The following AVEN variants were observed in gnomAD, a reference collection of about 807,000 sequenced individuals.
AVEN encodes the protein cell death regulator Aven.
Under a neutral mutation model 38.1 loss-of-function variants are expected in AVEN, and 41 were observed. The ratio of observed to expected loss-of-function variants is 1.08; its 90% CI spans 0.84 to 1.40. AVEN has a LOEUF of 1.40. Ranked by LOEUF, AVEN falls within the 40% of genes most tolerant of loss-of-function variation. AVEN has a pLI of 0.00. For missense variants in AVEN, 605 were observed against 438.8 expected, an observed-to-expected ratio of 1.38 and a Z score of -3.38; for synonymous variants, 206 against 171.8, an observed-to-expected ratio of 1.20 and a Z score of -1.56.
chr15:33,969,140 A>G (rs1337921231), intron 2 of AVEN: 3 of 152,080 alleles, frequency 2.0e-5, no homozygotes, highest in Non-Finnish European at 4.4e-5. Context: ...CTTCAAACAA[A>G]CCACTGCCAG....
At chr15:34,049,540 A>C (rs1463255134) in intron 5 of AVEN, among the ~76,000 whole-genome samples, 3 of 152,204 alleles carry the variant, frequency 2.0e-5, no homozygotes, top group Non-Finnish European at 4.4e-5. Context: ...GATTATGTAA[A>C]GCAAAACCCA....
chr15:33,968,357 A>T (rs1215206832), intron 2 of AVEN, among the ~76,000 whole-genome samples: 2 of 151,992 alleles, frequency 1.3e-5, no homozygotes, highest in African/African-American at 4.8e-5. Flanking sequence ...ATCAAAACGA[A>T]TATCATCATC....
At chr15:34,073,649 T>G (rs933160719) in intron 1 of AVEN, among the ~76,000 whole-genome samples, 1 of 151,288 alleles carries the variant, frequency 6.6e-6, no homozygotes, top group African/African-American at 2.4e-5. Flanking sequence ...GCCTCCCGAG[T>G]AGCTGGGATA....
At chr15:34,003,288 T>C in intron 1 of AVEN, 79 bp from the exon 2 acceptor site, 2 of 1,236,816 alleles carry the variant, frequency 1.6e-6, no homozygotes, top group Non-Finnish European at 2.3e-6. Context: ...AACAAAAAAG[T>C]ACATGGACAT....
chr15:33,993,346 A>G (rs1896805770), intron 2 of AVEN, among the ~76,000 whole-genome samples: 1 of 152,176 alleles, frequency 6.6e-6, no homozygotes, highest in East Asian at 1.9e-4. Flanking sequence ...AAGACACCTA[A>G]AGACTCACAA....
chr15:33,854,782 C>T (rs202096363), downstream of AVEN: 162 of 1,609,482 alleles, frequency 1.0e-4, no homozygotes, highest in Middle Eastern at 6.6e-4. Context: ...CTCTACCTTG[C>T]CTGGTATACA....
At chr15:34,019,221 T>C (rs748558501) in intron 1 of AVEN, among the ~76,000 whole-genome samples, 2 of 152,236 alleles carry the variant, frequency 1.3e-5, no homozygotes, top group Non-Finnish European at 2.9e-5. Context: ...AGGCCTAGGC[T>C]AATGGATGTA....
rs775338128 is a variant in AVEN at position 34,063,742 on chromosome 15, C to A, written n.1127-310G>T. 6.2e-7 allele frequency: 1 copy of A among 1,614,188 alleles called. No individual in the cohort carries two copies. Among genetic ancestry groups the A allele is most frequent in the South Asian group, 1.1e-5 (1 of 91,078 alleles). On this transcript the variant is annotated intron_variant and non_coding_transcript_variant, in intron 4 of 11. Transcript: ENST00000675287. The surrounding 1 kb of genome is among the most constrained non-coding windows in gnomAD (Gnocchi z 4.1). ...GGGGAAGAATTCAGTGCTGAAGAGA[C>A]TGAGGAAACTTTTGTGAAAGCTGAA... is the stretch of plus-strand genomic sequence containing the variant.
intron 2 of AVEN, chr15:33,885,672 T>C (rs1463622243): frequency 1.3e-5 from 2 of 152,178 alleles, no homozygotes; most frequent in African/African-American, 4.8e-5. Flanking sequence ...CACTGAGCAC[T>C]ACATAATAGG....
chr15:33,888,166 T>A (rs1891780242), intron 2 of AVEN, among the ~76,000 whole-genome samples: 3 of 152,206 alleles, frequency 2.0e-5, no homozygotes, highest in Non-Finnish European at 4.4e-5. Context: ...AACAAAAATT[T>A]GTTAAGAGCC....
chr15:34,050,063 T>A (rs906804976), intron 5 of AVEN, among the ~76,000 whole-genome samples: 1 of 151,860 alleles, frequency 6.6e-6, no homozygotes, highest in African/African-American at 2.4e-5. Context: ...AATTTTTGTA[T>A]TTTTAGTAGA....
At chr15:34,031,828 G>C (rs1012671548) in intron 1 of AVEN, among the ~76,000 whole-genome samples, 1 of 152,054 alleles carries the variant, frequency 6.6e-6, no homozygotes, top group African/African-American at 2.4e-5. Context: ...ACATCAGTTT[G>C]TATTTCTTTT....
chr15:34,059,084 AC>A (rs1331446152), intron 5 of AVEN, among the ~76,000 whole-genome samples: 1 of 150,242 alleles, frequency 6.7e-6, no homozygotes, highest in African/African-American at 2.5e-5. Flanking sequence ...TTTAGTAGAG[AC>A]AGGGTTTCAT....
chr15:33,919,007 G>T (rs1230445012), intron 2 of AVEN, among the ~76,000 whole-genome samples: 1 of 145,558 alleles, frequency 6.9e-6, no homozygotes, highest in African/African-American at 2.5e-5. Context: ...TGCAACCTCC[G>T]CCTCCCAGGT....
Position 33,867,572 on chromosome 15 carries a change from C to CA in AVEN, c.895_896insT (p.Gly299ValfsTer3). ...CGTCTGATCTGGTAAGATGTTATCTCCCTCTTTTATAGGTGCATCTAAATT... is the reference window on the plus strand; with the variant it reads ...CGTCTGATCTGGTAAGATGTTATCTCACCTCTTTTATAGGTGCATCTAAATT... On this transcript the variant is annotated frameshift_variant, in exon 5 of 6. Coordinates refer to ENST00000306730, the MANE Select transcript of AVEN (RefSeq NM_020371.3). LOFTEE classifies it high-confidence loss of function. The CA allele has an allele frequency of 6.2e-7, 1 of 1,614,152 alleles. No individual in the cohort carries two copies. The highest frequency in any genetic ancestry group is 1.1e-5 in the South Asian group (1 of 91,046).
At chr15:33,913,813 C>G (rs1391337063) in intron 2 of AVEN, among the ~76,000 whole-genome samples, 1 of 152,132 alleles carries the variant, frequency 6.6e-6, no homozygotes, top group South Asian at 2.1e-4. Flanking sequence ...AGCCTTGAAC[C>G]AATGAAAAGA....
At chr15:33,915,350 G>A (rs1893091059) in intron 2 of AVEN, among the ~76,000 whole-genome samples, 1 of 152,166 alleles carries the variant, frequency 6.6e-6, no homozygotes, top group South Asian at 2.1e-4. Context: ...TGCGTGCCCA[G>A]AGTGTGAAAG....
At chr15:33,912,955 T>C (rs1892974568) in intron 2 of AVEN, among the ~76,000 whole-genome samples, 1 of 151,826 alleles carries the variant, frequency 6.6e-6, no homozygotes, top group Non-Finnish European at 1.5e-5. Context: ...AATGGCGCGA[T>C]CTCGGCTCAC....
chr15:33,923,137 A>AAAGG (rs1555507402), intron 2 of AVEN, among the ~76,000 whole-genome samples: 14 of 150,928 alleles, frequency 9.3e-5, no homozygotes, highest in African/African-American at 3.4e-4. Context: ...AGGATAAGCT[A>AAAGG]AGAGAGAGAG....
Sources: allele counts gnomAD v4.1 joint callset (sites outside exome capture counted in the v4.1 genomes callset), GRCh38; gene constraint gnomAD v4.1.1; non-coding constraint Gnocchi (gnomAD v3.1); transcripts MANE v1.5; gene names NCBI Gene and HGNC (gene_info 2026-07-23, HGNC 2026-07-21).